The following CTIF variants were observed in gnomAD, a reference collection of about 807,000 sequenced individuals.
CTIF encodes CBP80/20-dependent translation initiation factor.
A neutral mutation model predicts 66.0 loss-of-function variants in CTIF; 21 were observed. That is an observed-to-expected ratio of 0.32 (90% CI 0.23 to 0.46). The LOEUF is 0.46. Among genes scored for constraint, CTIF ranks in the 20% least tolerant of loss-of-function variants. The pLI is 1.00. For synonymous variants in CTIF, 345 were observed against 326.4 expected (o/e 1.06, Z -0.62); for missense variants, 739 against 812.7 (o/e 0.91, Z 1.10).
intron 9 of CTIF, among the ~76,000 whole-genome samples, chr18:48,800,352 A>G (rs1285266052): frequency 6.6e-6 from 1 of 152,234 alleles, no homozygotes; most frequent in African/African-American, 2.4e-5. Context: ...AAGATACCCA[A>G]GAGGCTTACA....
chr18:48,824,079 CTTTCTA>C (rs2068536756), intron 10 of CTIF, among the ~76,000 whole-genome samples: 1 of 151,476 alleles, frequency 6.6e-6, no homozygotes. Context: ...TACAAAAATC[CTTTCTA>C]TTTCTGTGCA....
At chr18:48,613,410 C>T (rs966211923) in intron 1 of CTIF, among the ~76,000 whole-genome samples, 7 of 152,086 alleles carry the variant, frequency 4.6e-5, no homozygotes, top group African/African-American at 1.7e-4. Context: ...ACACTAGTTT[C>T]CTAAGGAAGC....
chr18:48,832,231 G>T (rs2068708425), intron 10 of CTIF, among the ~76,000 whole-genome samples: 1 of 148,420 alleles, frequency 6.7e-6, no homozygotes, highest in Admixed American at 6.7e-5. Context: ...GAATGCAGTG[G>T]CACAATCAGG....
chr18:48,719,857 G>A (rs114244232), intron 7 of CTIF, among the ~76,000 whole-genome samples: 162 of 152,280 alleles, frequency 1.1e-3, no homozygotes, highest in African/African-American at 3.7e-3. Context: ...TGTGCCTTCC[G>A]GAGAAAATGT....
chr18:48,554,826 G>A (rs1010017241), intron 1 of CTIF, among the ~76,000 whole-genome samples: 1 of 152,224 alleles, frequency 6.6e-6, no homozygotes, highest in African/African-American at 2.4e-5. Flanking sequence ...GTAGCCTCCC[G>A]GGAATTGGAA....
intron 6 of CTIF, among the ~76,000 whole-genome samples, chr18:48,671,022 G>A (rs1240143101): frequency 6.6e-6 from 1 of 152,306 alleles, no homozygotes; most frequent in East Asian, 1.9e-4. Context: ...TGGCAACTCA[G>A]TGAACTTGGA....
At chr18:48,738,975 C>T (rs1463749562) in intron 7 of CTIF, among the ~76,000 whole-genome samples, 2 of 152,190 alleles carry the variant, frequency 1.3e-5, no homozygotes, top group South Asian at 4.1e-4. Context: ...TGCAGTTCCC[C>T]TCCTGAGACC....
intron 7 of CTIF, among the ~76,000 whole-genome samples, chr18:48,717,831 A>G (rs761877958): frequency 5.9e-5 from 9 of 151,664 alleles, no homozygotes; most frequent in South Asian, 2.1e-4. Flanking sequence ...GCCTCAAGCA[A>G]TCCTCCTGCC....
intron 3 of CTIF, among the ~76,000 whole-genome samples, chr18:48,639,871 G>C (rs898219242): frequency 7.9e-5 from 12 of 152,154 alleles, no homozygotes; most frequent in Admixed American, 6.5e-4. Context: ...ACCCACCTGG[G>C]TTTCCTTCCC....
intron 6 of CTIF, among the ~76,000 whole-genome samples, chr18:48,675,775 C>T (rs1216728551): frequency 6.6e-6 from 1 of 152,210 alleles, no homozygotes; most frequent in Non-Finnish European, 1.5e-5. Context: ...TGCAGGGGAA[C>T]ACCCACTGGG....
chr18:48,806,047 C>T (rs2068140720), intron 9 of CTIF, among the ~76,000 whole-genome samples: 1 of 152,028 alleles, frequency 6.6e-6, no homozygotes, highest in African/African-American at 2.4e-5. Flanking sequence ...GTGATCAGGG[C>T]TGGGAAGGAA....
At chr18:48,547,771 A>G (rs2145503865) in intron 1 of CTIF, among the ~76,000 whole-genome samples, 1 of 152,206 alleles carries the variant, frequency 6.6e-6, no homozygotes, top group Admixed American at 6.5e-5. Context: ...AACTTACTTC[A>G]CACAGAGGCA....
chr18:48,636,741 G>A (rs1409835495), intron 3 of CTIF, 56 bp downstream of exon 3: 2 of 1,413,496 alleles, frequency 1.4e-6, no homozygotes, highest in African/African-American at 1.4e-5. Context: ...GTCTGCCTGG[G>A]TTCCTGGGCC....
At chr18:48,841,995 G>A (rs1025899484) in intron 10 of CTIF, among the ~76,000 whole-genome samples, 16 of 152,194 alleles carry the variant, frequency 1.1e-4, no homozygotes, top group East Asian at 3.8e-4. Flanking sequence ...CTTTGCCTCC[G>A]GTTTCATTAA....
intron 1 of CTIF, among the ~76,000 whole-genome samples, chr18:48,614,119 TC>T (rs1171246326): frequency 1.3e-5 from 2 of 152,052 alleles, no homozygotes; most frequent in Non-Finnish European, 2.9e-5. Context: ...AAACATAAAT[TC>T]CTGGCTGGCT....
At chr18:48,802,575 C>T (rs2068069560) in intron 9 of CTIF, among the ~76,000 whole-genome samples, 2 of 152,236 alleles carry the variant, frequency 1.3e-5, no homozygotes. Context: ...GAGCCTCATC[C>T]TCCAGTGAGC....
At chr18:48,814,077 A>G (rs2068313440) in intron 9 of CTIF, among the ~76,000 whole-genome samples, 1 of 152,156 alleles carries the variant, frequency 6.6e-6, no homozygotes, top group Non-Finnish European at 1.5e-5. Flanking sequence ...CACTTTAGTT[A>G]ATGATGTCAC....
intron 10 of CTIF, among the ~76,000 whole-genome samples, chr18:48,850,272 C>T (rs905011156): frequency 1.3e-5 from 2 of 152,180 alleles, no homozygotes; most frequent in African/African-American, 4.8e-5. Flanking sequence ...TTTCAGTGAA[C>T]ACTTGGGTTG....
At chr18:48,780,555 G>A (rs183642609) in intron 9 of CTIF, among the ~76,000 whole-genome samples, 2 of 152,284 alleles carry the variant, frequency 1.3e-5, no homozygotes, top group East Asian at 3.9e-4. Flanking sequence ...CACCTCTGCC[G>A]CGTCGGTTCA....
Sources: gnomAD v4.1 joint callset for allele counts (sites outside exome capture counted in the v4.1 genomes callset) on GRCh38, gnomAD v4.1.1 for gene constraint, MANE v1.5 for transcripts, NCBI Gene and HGNC (gene_info 2026-07-23, HGNC 2026-07-21) for gene names.